The following ZNF71 variants were observed in gnomAD, a reference collection of about 807,000 sequenced individuals.
ZNF71 encodes zinc finger protein 71.
A neutral mutation model predicts 6.7 loss-of-function variants in ZNF71; 3 were observed. The ratio of observed to expected loss-of-function variants is 0.45; its 90% confidence interval spans 0.20 to 1.16. The LOEUF (loss-of-function observed/expected upper bound fraction) is 1.16. Ranked by LOEUF, ZNF71 falls within the 50% of genes most tolerant of loss-of-function variation. The probability of loss-of-function intolerance (pLI) is 0.25; values close to 1 mark genes in which losing one functional copy is unlikely to be tolerated. For missense variants in ZNF71, 688 were observed against 728.6 expected, an observed-to-expected ratio of 0.94 and a Z score of 0.64; for synonymous variants, 343 against 311.1, an observed-to-expected ratio of 1.10 and a Z score of -1.08.
At position 56,618,303 on chromosome 19, in the gene ZNF71, T is replaced by C. The variant is rs147218904; in HGVS notation, c.161-2965T>C. Among the ~76,000 whole-genome samples, 4 of 152,304 alleles carry C rather than the reference T, an allele frequency of 2.6e-5. No individual in the cohort carries two copies. Among genetic ancestry groups the C allele is most frequent in the Middle Eastern group, 6.8e-3 (2 of 294 alleles). ...CGTTTCCTCATCAGCAAAATGAGGA[T>C]GGTCATAACTATCTACTACTGTATG... On this transcript the variant is annotated intron_variant, in intron 3 of 3. Transcript: ENST00000599599. The surrounding 1 kb of genome is among the most constrained non-coding windows in gnomAD (Gnocchi z 4.6).
chr19:56,622,483 T>C lies in ZNF71; in HGVS notation c.1376T>C (p.Val459Ala), dbSNP rs1180151672. 7 of 1,607,052 alleles carry C rather than the reference T, an allele frequency of 4.4e-6. No homozygotes were observed. Among genetic ancestry groups the C allele is most frequent in the Non-Finnish European group, 5.1e-6 (6 of 1,176,342 alleles). The change falls in exon 4 of 4, where the codon GTG becomes GCG. Residue 459 changes from valine (V) to alanine (A), a missense_variant. By Grantham distance (64) the Val-to-Ala change is moderately conservative (BLOSUM62 0). Coordinates refer to ENST00000599599, the MANE Select transcript of ZNF71 (RefSeq NM_001370215.1). ...TTCACGGGGCGCTCGTCCCTCATCGTGCACCAGATCGTGCACACCGGGGAG... is the reference window on the plus strand; with the variant it reads ...TTCACGGGGCGCTCGTCCCTCATCGCGCACCAGATCGTGCACACCGGGGAG... ...KHFTGRSSLI[V>A]HQIVHTGEKP...
chr19:56,622,449 A>G lies in ZNF71; in HGVS notation c.1342A>G (p.Lys448Glu). 1 of 1,600,292 alleles carries G rather than the reference A, an allele frequency of 6.2e-7. No homozygotes were observed. Among genetic ancestry groups the G allele is most frequent in the Non-Finnish European group, 8.5e-7 (1 of 1,175,012 alleles). The change falls in exon 4 of 4, where the codon AAG (lysine) becomes GAG (glutamate). Residue 448 changes from lysine to glutamate, a missense_variant. Physicochemically the swap from Lys to Glu is moderately conservative, Grantham distance 56. Transcript: ENST00000599599. ...GAAGCCCTACGAGTGCTACATCTGC[A>G]AGAAGCACTTCACGGGGCGCTCGTC... ...GEKPYECYIC[K>E]KHFTGRSSLI...
intron 3 of ZNF71, among the ~76,000 whole-genome samples, chr19:56,615,800 C>T (rs1249037376): frequency 2.0e-5 from 3 of 151,930 alleles, no homozygotes; most frequent in African/African-American, 7.3e-5. Flanking sequence ...TGATGTAGTG[C>T]GATGTATCTA....
At chr19:56,617,637 C>G (rs1488783029) in intron 3 of ZNF71, among the ~76,000 whole-genome samples, 1 of 152,186 alleles carries the variant, frequency 6.6e-6, no homozygotes, top group Non-Finnish European at 1.5e-5. Context: ...AGTGGCCATG[C>G]CGTCAGACTT....
At chr19:56,617,954 A>G (rs1459728177) in intron 3 of ZNF71, among the ~76,000 whole-genome samples, 3 of 151,364 alleles carry the variant, frequency 2.0e-5, no homozygotes, top group Non-Finnish European at 4.4e-5. Flanking sequence ...ATTCCAGAGC[A>G]TCTCAGACTC....
intron 2 of ZNF71, among the ~76,000 whole-genome samples, chr19:56,604,988 T>C (rs1416849466): frequency 2.0e-5 from 3 of 152,216 alleles, no homozygotes; most frequent in African/African-American, 7.2e-5. Flanking sequence ...GGAGCTTTCT[T>C]GCCCCATCAA....
At position 56,621,404 on chromosome 19, in the gene ZNF71, G is replaced by A. The variant is rs773551583; in HGVS notation, c.297G>A (p.Trp99Ter). ...GGGGTCCTGGCTCAGAAGGAGTGTG[G>A]GAACCAGGCAGCTGGCCAGAGAGGC... The part of the protein sequence containing the change: ...GARGPGSEGV[W>*]EPGSWPERPR... The change falls in exon 4 of 4, where the codon TGG (tryptophan) becomes TGA (stop). Residue 99 changes from tryptophan (W) to a stop codon, truncating the protein, a stop_gained. Transcript: ENST00000599599. LOFTEE classifies it low-confidence loss of function (END_TRUNC). 1.2e-6 allele frequency: 2 copies of A among 1,612,200 alleles called. No individual in the cohort carries two copies.
chr19:56,597,954 G>C (rs554725202), intron 1 of ZNF71, among the ~76,000 whole-genome samples: 30 of 152,214 alleles, frequency 2.0e-4, no homozygotes, highest in African/African-American at 7.2e-4. Flanking sequence ...CTAGAAGTTA[G>C]CTCATCTGTT....
chr19:56,617,253 G>A (rs2148017320), intron 3 of ZNF71, among the ~76,000 whole-genome samples: 1 of 152,096 alleles, frequency 6.6e-6, no homozygotes, highest in Non-Finnish European at 1.5e-5. Context: ...TAGGATTACA[G>A]GTGCCTGCCA....
rs1037693244 is a variant in ZNF71, at chr19:56,623,506, G to A, written c.*749G>A. On this transcript the variant is annotated 3_prime_UTR_variant, in exon 4 of 4. Transcript: ENST00000599599. The stretch of plus-strand genomic sequence containing the variant: ...ATCGGCTTCAGTGATTGTGGGAGGG[G>A]CAAGAAGGAAAAGAAACAGCAGCAG... 1.8e-5 allele frequency: 3 copies of A among 166,992 alleles called. No individual in the cohort carries two copies. Among genetic ancestry groups the A allele is most frequent in the African/African-American group, 7.2e-5 (3 of 41,408 alleles). The allele number at this position is 166,992 out of a possible 1,614,324, so 10.3% of individuals were successfully genotyped here.
intron 1 of ZNF71, among the ~76,000 whole-genome samples, chr19:56,596,501 G>T (rs576123645): frequency 1.3e-5 from 2 of 152,124 alleles, no homozygotes; most frequent in Non-Finnish European, 2.9e-5. Context: ...ACAGGGGCCG[G>T]GTGGAGGAGG....
At chr19:56,615,456 G>A (rs913847509) in intron 3 of ZNF71, among the ~76,000 whole-genome samples, 1 of 151,974 alleles carries the variant, frequency 6.6e-6, no homozygotes, top group South Asian at 2.1e-4. Flanking sequence ...TAGGTGTGTG[G>A]TCTCATCACT....
At chr19:56,596,070 G>A (rs1356976678) in intron 1 of ZNF71, among the ~76,000 whole-genome samples, 6 of 152,020 alleles carry the variant, frequency 3.9e-5, no homozygotes, top group Non-Finnish European at 5.9e-5. Context: ...ATGCATGTGT[G>A]GTGATATCTC....
In ZNF71 at chr19:56,615,419, G is replaced by C. The variant is rs755673552; in HGVS notation, c.160+1481G>C. ...CTTGTAGGTGTGTGGTCTCATCACTGTGCTTTTCATTTGATACTGACACTT... is the reference window on the plus strand; with the variant it reads ...CTTGTAGGTGTGTGGTCTCATCACTCTGCTTTTCATTTGATACTGACACTT... On this transcript the variant is annotated intron_variant, in intron 3 of 3. Transcript: ENST00000599599. Among the ~76,000 whole-genome samples, 53 of 152,094 alleles carry C rather than the reference G, an allele frequency of 3.5e-4. 1 individual carries two copies. Among genetic ancestry groups the C allele is most frequent in the Non-Finnish European group, 8.8e-5 (6 of 68,026 alleles).
At chr19:56,606,608 C>T (rs2044711865) in intron 2 of ZNF71, among the ~76,000 whole-genome samples, 1 of 152,030 alleles carries the variant, frequency 6.6e-6, no homozygotes, top group South Asian at 2.1e-4. Flanking sequence ...AGTCTGCTGG[C>T]TTCTTTGCTC....
intron 3 of ZNF71, among the ~76,000 whole-genome samples, chr19:56,620,503 T>C (rs2044835333): frequency 1.3e-5 from 2 of 152,108 alleles, no homozygotes; most frequent in Non-Finnish European, 2.9e-5. Flanking sequence ...TATTTCTTTA[T>C]TCTTTTTCTT....
chr19:56,608,513 G>A (rs1022418427), intron 2 of ZNF71, among the ~76,000 whole-genome samples: 5 of 152,006 alleles, frequency 3.3e-5, no homozygotes, highest in Non-Finnish European at 7.4e-5. Flanking sequence ...TTATCCACTC[G>A]TGCTTACGTA....
chr19:56,621,564 C>G lies in ZNF71; in HGVS notation c.457C>G (p.Leu153Val), dbSNP rs1394602138. The G allele has an allele frequency of 3.1e-6, 5 of 1,614,240 alleles. No individual in the cohort carries two copies. ...NQGCVLVPPR[L>V]DDPTEKGACP... ...AGGCTGTGTCCTGGTCCCACCACGG[C>G]TGGACGACCCCACAGAAAAGGGGGC... Residue 153 changes from leucine to valine, a missense_variant, in exon 4 of 4, where the codon CTG becomes GTG. Transcript: ENST00000599599.
At chr19:56,616,732 C>CT (rs1244984574) in intron 3 of ZNF71, among the ~76,000 whole-genome samples, 1 of 152,192 alleles carries the variant, frequency 6.6e-6, no homozygotes, top group Non-Finnish European at 1.5e-5. Flanking sequence ...CCTGGGAACT[C>CT]TATCTGCCTT....
Sources: gnomAD v4.1 joint callset for allele counts (sites outside exome capture counted in the v4.1 genomes callset) on GRCh38, gnomAD v4.1.1 for gene constraint, Gnocchi (gnomAD v3.1) non-coding constraint, MANE v1.5 for transcripts, NCBI Gene and HGNC (gene_info 2026-07-23, HGNC 2026-07-21) for gene names.